The following GRID1 variants were observed in gnomAD, a reference collection of about 807,000 sequenced individuals.
The protein encoded by GRID1 is glutamate ionotropic receptor delta type subunit 1.
Under a neutral mutation model 98.0 loss-of-function variants are expected in GRID1, and 28 were observed. The ratio of observed to expected loss-of-function variants is 0.29; its 90% CI spans 0.21 to 0.39. The LOEUF is 0.39. GRID1 is among the 10% of genes least tolerant of loss of function. GRID1 has a pLI of 1.00. For synonymous variants in GRID1, 553 were observed against 538.5 expected, an observed-to-expected ratio of 1.03 and a Z score of -0.37; for missense variants, 1,111 against 1,340.5, an observed-to-expected ratio of 0.83 and a Z score of 2.67.
At chr10:85,679,866 G>T (rs1211989883) in intron 12 of GRID1, among the ~76,000 whole-genome samples, 1 of 152,172 alleles carries the variant, frequency 6.6e-6, no homozygotes, top group African/African-American at 2.4e-5. Context: ...CCCTGAGGCA[G>T]CCCCACCCCC....
intron 2 of GRID1, among the ~76,000 whole-genome samples, chr10:86,282,014 A>G (rs1847364000): frequency 1.3e-5 from 2 of 152,214 alleles, no homozygotes; most frequent in Admixed American, 1.3e-4. Flanking sequence ...TCAGACAGAC[A>G]CTGGCATCCA....
At chr10:85,704,055 C>T (rs1841485562) in intron 12 of GRID1, among the ~76,000 whole-genome samples, 2 of 152,026 alleles carry the variant, frequency 1.3e-5, no homozygotes, top group Non-Finnish European at 2.9e-5. Context: ...TTGAATATTG[C>T]ATAAACTAAT....
intron 4 of GRID1, among the ~76,000 whole-genome samples, chr10:85,966,496 A>T (rs763731109): frequency 4.6e-4 from 70 of 152,144 alleles, no homozygotes; most frequent in Non-Finnish European, 5.0e-4. Flanking sequence ...GAAAGGGTAA[A>T]AATTATATTG....
chr10:85,883,179 T>C lies in GRID1; in HGVS notation c.781-13999A>G, dbSNP rs1841059947. 2.0e-5 allele frequency among the ~76,000 whole-genome samples: 3 copies of C among 152,164 alleles called. No individual in the cohort carries two copies. In the South Asian group the frequency reaches 6.2e-4, roughly 32 times the overall value. On this transcript the variant is annotated intron_variant, in intron 5 of 15. Transcript: ENST00000327946. The stretch of plus-strand genomic sequence containing the variant: ...TCTTCATATTTTCCAGTTCACTAAT[T>C]CTTTCTGCGTATGTATCCACTTTGG...
chr10:86,159,681 C>T (rs975406599), intron 3 of GRID1, among the ~76,000 whole-genome samples: 1 of 152,226 alleles, frequency 6.6e-6, no homozygotes, highest in Non-Finnish European at 1.5e-5. Context: ...GCTCAGCATG[C>T]CTGCTCATCA....
At chr10:85,815,601 A>T (rs1421413492) in intron 8 of GRID1, among the ~76,000 whole-genome samples, 1 of 152,054 alleles carries the variant, frequency 6.6e-6, no homozygotes, top group African/African-American at 2.4e-5. Context: ...CACAGACTTA[A>T]ATGTAAAACT....
chr10:86,353,872 C>T, intron 2 of GRID1, among the ~76,000 whole-genome samples: 1 of 152,212 alleles, frequency 6.6e-6, no homozygotes, highest in Non-Finnish European at 1.5e-5. Context: ...AGTTAGGAGC[C>T]CTAGAGCCCA....
chr10:86,046,906 G>T (rs966965505), intron 4 of GRID1, among the ~76,000 whole-genome samples: 1 of 151,068 alleles, frequency 6.6e-6, no homozygotes, highest in African/African-American at 2.4e-5. Flanking sequence ...GAGATCAAAC[G>T]GTTAGCAAGC....
At chr10:85,997,416 T>C (rs1285574835) in intron 4 of GRID1, among the ~76,000 whole-genome samples, 1 of 151,640 alleles carries the variant, frequency 6.6e-6, no homozygotes, top group South Asian at 2.1e-4. Flanking sequence ...AAAAAAATTA[T>C]AACATAGTTG....
chr10:86,136,176 C>T (rs1844921863), intron 4 of GRID1, among the ~76,000 whole-genome samples: 1 of 152,216 alleles, frequency 6.6e-6, no homozygotes, highest in South Asian at 2.1e-4. Context: ...AGGAAGGCTT[C>T]GTGCAGGGAC....
chr10:85,802,484 A>C (rs1842585540), intron 8 of GRID1, among the ~76,000 whole-genome samples: 1 of 152,112 alleles, frequency 6.6e-6, no homozygotes, highest in Non-Finnish European at 1.5e-5. Context: ...TAGGCAAAGG[A>C]CTACTGGATA....
chr10:86,195,102 G>A lies in GRID1; in HGVS notation c.520+11262C>T, dbSNP rs895944396. Among the ~76,000 whole-genome samples, 23 of 152,132 alleles carry A rather than the reference G, an allele frequency of 1.5e-4. No individual in the cohort carries two copies. Among genetic ancestry groups the A allele is most frequent in the African/African-American group, 4.8e-4 (20 of 41,448 alleles). ...CCGCTTCAAGTCTGGCCCAGAGGAA[G>A]CTTAGGCAGAGGCAAGTCCTATCCC... On this transcript the variant is annotated intron_variant, in intron 3 of 15. Transcript: ENST00000327946. This position sits in a 1 kb window ranked among gnomAD's most constrained non-coding sequence, Gnocchi z 4.4.
In GRID1 at chr10:86,358,559, C is replaced by A. The variant is rs560180822; in HGVS notation, c.235+5382G>T. Among the ~76,000 whole-genome samples the A allele has an allele frequency of 1.5e-4, 23 of 152,062 alleles. No homozygotes were observed. In the South Asian group the frequency reaches 4.8e-3, roughly 32 times the overall value. ...GGATCACGAGGTCAGGAGATTGAGA[C>A]CATCCTGGCTAACACAGTGAAATCC... On this transcript the variant is annotated intron_variant, in intron 2 of 15. Coordinates refer to ENST00000327946, the MANE Select transcript of GRID1 (RefSeq NM_017551.3).
chr10:85,823,355 A>G lies in GRID1; in HGVS notation c.1233+31141T>C, dbSNP rs912916982. Among the ~76,000 whole-genome samples the G allele has an allele frequency of 5.9e-5, 9 of 152,296 alleles. No individual in the cohort carries two copies. The South Asian group carries it at 1.9e-3, about 32-fold the overall frequency. ...GAAAAATCCATGATATGTTCAAGAA[A>G]CTTTTTTAAATTACAAAAAAGAGAA... On this transcript the variant is annotated intron_variant, in intron 8 of 15. Coordinates refer to ENST00000327946, the MANE Select transcript of GRID1 (RefSeq NM_017551.3).
chr10:86,334,512 T>C (rs1448069318), intron 2 of GRID1, among the ~76,000 whole-genome samples: 1 of 152,176 alleles, frequency 6.6e-6, no homozygotes, highest in Non-Finnish European at 1.5e-5. Flanking sequence ...TCGTGTCACA[T>C]GTCAGACTTT....
At chr10:86,211,397 G>C (rs573956759) in intron 2 of GRID1, among the ~76,000 whole-genome samples, 1 of 152,332 alleles carries the variant, frequency 6.6e-6, no homozygotes, top group East Asian at 1.9e-4. Flanking sequence ...AAACTGTAAT[G>C]AGCGGCTTCC....
At chr10:85,838,821 T>A (rs140352024) in intron 8 of GRID1, among the ~76,000 whole-genome samples, 2 of 152,096 alleles carry the variant, frequency 1.3e-5, no homozygotes, top group East Asian at 3.9e-4. Context: ...ATATAAATGA[T>A]CTAAATGCCC....
intron 2 of GRID1, among the ~76,000 whole-genome samples, chr10:86,346,468 A>G (rs1249177415): frequency 6.6e-6 from 1 of 152,226 alleles, no homozygotes; most frequent in Non-Finnish European, 1.5e-5. Flanking sequence ...GGCCCTGACC[A>G]TCCTGTAGCA....
At chr10:86,291,130 G>A (rs1847506545) in intron 2 of GRID1, among the ~76,000 whole-genome samples, 1 of 152,182 alleles carries the variant, frequency 6.6e-6, no homozygotes, top group Non-Finnish European at 1.5e-5. Context: ...TGGCCACCAT[G>A]GGCCACAGGC....
Sources: allele counts gnomAD v4.1 joint callset (sites outside exome capture counted in the v4.1 genomes callset), GRCh38; gene constraint gnomAD v4.1.1; non-coding constraint Gnocchi (gnomAD v3.1); transcripts MANE v1.5; gene names NCBI Gene and HGNC (gene_info 2026-07-23, HGNC 2026-07-21).